The following DNAJC8 variants were observed in gnomAD, a reference collection of about 807,000 sequenced individuals.
The protein encoded by DNAJC8 is dnaJ homolog subfamily C member 8.
DNAJC8 carries 24 observed loss-of-function variants against 43.2 expected under a neutral mutation model. The ratio of observed to expected loss-of-function variants is 0.56; its 90% CI spans 0.40 to 0.78. The LOEUF (loss-of-function observed/expected upper bound fraction) is 0.78, where lower values mean the gene tolerates loss of function less well. DNAJC8 is among the 30% of genes least tolerant of loss of function. The pLI is 0.00. For synonymous variants in DNAJC8, 83 were observed against 98.0 expected (o/e 0.85, Z 0.90); for missense variants, 207 against 299.4 (o/e 0.69, Z 2.28).
chr1:28,214,420 G>T (rs560260675), intron 3 of DNAJC8, among the ~76,000 whole-genome samples: 1 of 152,244 alleles, frequency 6.6e-6, no homozygotes, highest in African/African-American at 2.4e-5. Flanking sequence ...TGTAATACCA[G>T]CTACCTGGGA....
In DNAJC8 at chr1:28,232,944, C is replaced by G. The variant is rs1392672790; in HGVS notation, c.55G>C (p.Ala19Pro). 1 of 1,613,280 alleles carries G rather than the reference C, an allele frequency of 6.2e-7. No individual in the cohort carries two copies. The highest frequency in any genetic ancestry group is 8.5e-7 in the Non-Finnish European group (1 of 1,180,032). ...ACCTCACTGTAGAAGGTCATAAATGCTTCCTCGGTGCTGCCTCCGCCGCCT... is the reference window on the plus strand; with the variant it reads ...ACCTCACTGTAGAAGGTCATAAATGGTTCCTCGGTGCTGCCTCCGCCGCCT... Reference protein sequence around the residue: ...TSGGGGSTEEAFMTFYSEVKQ... With the variant: ...TSGGGGSTEEPFMTFYSEVKQ... Residue 19 changes from alanine to proline, a missense_variant, in exon 1 of 9, where the codon GCA becomes CCA. Physicochemically the swap from Ala to Pro is conservative, Grantham distance 27. Around this residue, in one of 2 missense-constraint regions of DNAJC8, gnomAD observed 48 missense variants for 31.9 expected, o/e 1.50. Coordinates refer to ENST00000263697, the MANE Select transcript of DNAJC8 (RefSeq NM_014280.3).
At chr1:28,212,971 A>G (rs970327311) in intron 3 of DNAJC8, among the ~76,000 whole-genome samples, 2 of 152,258 alleles carry the variant, frequency 1.3e-5, no homozygotes, top group African/African-American at 2.4e-5. Flanking sequence ...ACACGCTGAC[A>G]ATAGTTAGCA....
In DNAJC8 at chr1:28,225,974, G is replaced by C. The variant is rs1185609818; in HGVS notation, c.180+2948C>G. 2.0e-5 allele frequency among the ~76,000 whole-genome samples: 3 copies of C among 150,864 alleles called. 1 individual carries two copies. Among genetic ancestry groups the C allele is most frequent in the African/African-American group, 7.3e-5 (3 of 41,038 alleles). ...CCACCTTGGCCTCCCAAAGTGCTGA[G>C]ATTACAGGCGTGAGCCACCACACCT... On this transcript the variant is annotated intron_variant, in intron 2 of 8. Coordinates refer to ENST00000263697, the MANE Select transcript of DNAJC8 (RefSeq NM_014280.3).
chr1:28,212,474 G>C (rs565057145), intron 3 of DNAJC8, among the ~76,000 whole-genome samples: 3 of 150,786 alleles, frequency 2.0e-5, no homozygotes, highest in Non-Finnish European at 4.4e-5. Flanking sequence ...TAGAGACGGG[G>C]TTTCACCATG....
At chr1:28,211,182 A>G (rs1003001003) in intron 3 of DNAJC8, among the ~76,000 whole-genome samples, 18 of 152,144 alleles carry the variant, frequency 1.2e-4, no homozygotes, top group Admixed American at 5.9e-4. Flanking sequence ...AACAAAAACA[A>G]AAACAAAAAC....
rs1262947651 is a variant in DNAJC8 at position 28,201,029 on chromosome 1, C to T, written c.*219G>A. The T allele has an allele frequency of 1.7e-6, 1 of 599,010 alleles. No homozygotes were observed. Among genetic ancestry groups the T allele is most frequent in the Non-Finnish European group, 2.8e-6 (1 of 356,038 alleles). The allele number at this position is 599,010 out of a possible 1,614,324, so 37.1% of individuals were successfully genotyped here. A position where few individuals can be genotyped will look rare whatever the true frequency, so the allele number is the denominator to read the frequency against. ...GTGGCACCTTCTAATACTGGTTGTTCTAGGGGCAGGGAGAGGGAAAGGTCT... is the reference window on the plus strand; with the variant it reads ...GTGGCACCTTCTAATACTGGTTGTTTTAGGGGCAGGGAGAGGGAAAGGTCT... On this transcript the variant is annotated 3_prime_UTR_variant, in exon 9 of 9. Coordinates refer to ENST00000263697, the MANE Select transcript of DNAJC8 (RefSeq NM_014280.3).
At chr1:28,208,510 C>T (rs887579264) in intron 5 of DNAJC8, 97 bp from the exon 6 acceptor site, 8 of 589,170 alleles carry the variant, frequency 1.4e-5, no homozygotes, top group African/African-American at 1.2e-4. Context: ...TCTATAGGCA[C>T]GGGTATAGCA....
At chr1:28,202,522 G>A (rs1454543496) in intron 8 of DNAJC8, among the ~76,000 whole-genome samples, 3 of 150,576 alleles carry the variant, frequency 2.0e-5, no homozygotes, top group Admixed American at 6.6e-5. Context: ...CTCATGATCC[G>A]CCTGCCGTGG....
chr1:28,232,007 G>A (rs1275528814), intron 1 of DNAJC8, among the ~76,000 whole-genome samples: 1 of 151,968 alleles, frequency 6.6e-6, no homozygotes, highest in Non-Finnish European at 1.5e-5. Flanking sequence ...CGCCCGTCTC[G>A]GCCTCCCAAA....
rs1393502160 is a variant in DNAJC8 at position 28,223,217 on chromosome 1, C to T, written c.180+5705G>A. Among the ~76,000 whole-genome samples, 9 of 152,044 alleles carry T rather than the reference C, an allele frequency of 5.9e-5. No homozygotes were observed. In the East Asian group the frequency reaches 1.2e-3, roughly 20 times the overall value. On this transcript the variant is annotated intron_variant, in intron 2 of 8. Coordinates refer to ENST00000263697, the MANE Select transcript of DNAJC8 (RefSeq NM_014280.3). The stretch of plus-strand genomic sequence containing the variant: ...AGACATGGTATGTGGAGCCAGACCC[C>T]GAGTAAGAGGAGAAAGGTGTTCATG...
chr1:28,212,986 G>C (rs1410418910), intron 3 of DNAJC8, among the ~76,000 whole-genome samples: 1 of 152,212 alleles, frequency 6.6e-6, no homozygotes, highest in African/African-American at 2.4e-5. Flanking sequence ...TTAGCATATA[G>C]TGAGGATACA....
rs765422686 is a variant in DNAJC8 at position 28,232,964 on chromosome 1, C to T, written c.35G>A (p.Gly12Asp). The change falls in exon 1 of 9, where the codon GGC becomes GAC. Residue 12 changes from glycine (G) to aspartate (D), a missense_variant. Around this residue, in one of 2 missense-constraint regions of DNAJC8, gnomAD observed 48 missense variants for 31.9 expected, o/e 1.50. Transcript: ENST00000263697. ...AAATGCTTCCTCGGTGCTGCCTCCG[C>T]CGCCTGAAGTCCCGCTCTCTCCTGA... Reference protein sequence around the residue: ...AASGESGTSGGGGSTEEAFMT... With the variant: ...AASGESGTSGDGGSTEEAFMT... 17 of 1,613,132 alleles carry T rather than the reference C, an allele frequency of 1.1e-5. No individual in the cohort carries two copies. The highest frequency in any genetic ancestry group is 6.7e-5 in the Admixed American group (4 of 59,994).
At chr1:28,207,230 T>A (rs1432851835) in intron 6 of DNAJC8, among the ~76,000 whole-genome samples, 1 of 151,460 alleles carries the variant, frequency 6.6e-6, no homozygotes, top group East Asian at 2.0e-4. Context: ...ATACAAAAAT[T>A]AGCCAGGCTT....
chr1:28,223,849 C>G (rs1257985402), intron 2 of DNAJC8, among the ~76,000 whole-genome samples: 2 of 152,082 alleles, frequency 1.3e-5, no homozygotes, highest in Non-Finnish European at 2.9e-5. Flanking sequence ...CACACACAAA[C>G]ACACAGACTC....
intron 6 of DNAJC8, 40 bp from the exon 7 acceptor site, chr1:28,205,389 ATT>A: frequency 6.7e-7 from 1 of 1,499,488 alleles, no homozygotes. Flanking sequence ...CAGAGTAAAT[ATT>A]TTTACCAGCA....
rs924198707 is a variant in DNAJC8, at chr1:28,200,434, C to G, written c.*814G>C. 2.9e-5 allele frequency: 13 copies of G among 454,236 alleles called. No individual in the cohort carries two copies. Among genetic ancestry groups the G allele is most frequent in the African/African-American group, 1.8e-4 (9 of 49,734 alleles). 28.1% of individuals were successfully genotyped at this position (454,236 alleles called of 1,614,324 possible). A position where few individuals can be genotyped will look rare whatever the true frequency, so the allele number is the denominator to read the frequency against. On this transcript the variant is annotated 3_prime_UTR_variant, in exon 9 of 9. Transcript: ENST00000263697. ...AAAGCTGCTGCAGTAATTCATATTC[C>G]CATTTCATAGATGAAGAAACTAAGG...
intron 3 of DNAJC8, among the ~76,000 whole-genome samples, chr1:28,211,716 T>C (rs1439078886): frequency 6.6e-6 from 1 of 152,220 alleles, no homozygotes; most frequent in Non-Finnish European, 1.5e-5. Flanking sequence ...CGTAGGGAAT[T>C]AGCCCTTATT....
chr1:28,220,048 G>A (rs945341534), intron 2 of DNAJC8, among the ~76,000 whole-genome samples: 5 of 152,158 alleles, frequency 3.3e-5, no homozygotes, highest in South Asian at 2.1e-4. Context: ...TTCTTGTTTC[G>A]AGGAGATGCA....
rs141826005 is a variant in DNAJC8 at position 28,230,768 on chromosome 1, C to T, written c.79-1745G>A. Reference sequence around the variant, plus strand: ...TCATCCTCCAGTCCTCTTGCCTCAGCCTTCCGGGCAGCTGAGACTACAGGC... The same window carrying T: ...TCATCCTCCAGTCCTCTTGCCTCAGTCTTCCGGGCAGCTGAGACTACAGGC... On this transcript the variant is annotated intron_variant, in intron 1 of 8. Coordinates refer to ENST00000263697, the MANE Select transcript of DNAJC8 (RefSeq NM_014280.3). 7.9e-5 allele frequency among the ~76,000 whole-genome samples: 12 copies of T among 152,316 alleles called. No individual in the cohort carries two copies. In the East Asian group the frequency reaches 2.3e-3, roughly 29 times the overall value.
Sources: gnomAD v4.1 joint callset for allele counts (sites outside exome capture counted in the v4.1 genomes callset) on GRCh38, gnomAD v4.1.1 for gene constraint, gnomAD v4.1.1 regional missense constraint, MANE v1.5 for transcripts, NCBI Gene and HGNC (gene_info 2026-07-23, HGNC 2026-07-21) for gene names.